Variants in LY75 observed in about 807,000 individuals in gnomAD.
The protein encoded by LY75 is lymphocyte antigen 75, also known as C-type lectin domain family 13 member B.
A neutral mutation model predicts 231.7 loss-of-function variants in LY75; 185 were observed. The observed-to-expected ratio is 0.80, with a 90% CI of 0.71 to 0.90. The LOEUF (loss-of-function observed/expected upper bound fraction) is 0.90. Ranked by LOEUF, LY75 falls within the 40% of genes least tolerant of loss-of-function variation. The probability of loss-of-function intolerance (pLI) is 0.00; values close to 1 mark genes in which losing one functional copy is unlikely to be tolerated. For synonymous variants in LY75, 668 were observed against 689.0 expected, an observed-to-expected ratio of 0.97 and a Z score of 0.48; for missense variants, 1,947 against 2,050.2, an observed-to-expected ratio of 0.95 and a Z score of 0.97.
intron 28 of LY75, 120 bp downstream of exon 28, chr2:159,831,550 A>G: frequency 9.3e-7 from 1 of 1,069,746 alleles, no homozygotes; most frequent in Non-Finnish European, 1.4e-6. Flanking sequence ...AAGTTATGCT[A>G]AGTACATAAT....
At position 159,890,212 on chromosome 2, in the gene LY75, C is replaced by T. The variant is rs767779201; in HGVS notation, c.802+1G>A. 6 of 1,609,148 alleles carry T rather than the reference C, an allele frequency of 3.7e-6. No homozygotes were observed. Among genetic ancestry groups the T allele is most frequent in the Admixed American group, 1.7e-5 (1 of 59,080 alleles). On this transcript the variant is annotated splice_donor_variant, in intron 4 of 34. Coordinates refer to ENST00000263636, the MANE Select transcript of LY75 (RefSeq NM_002349.4). LOFTEE classifies it high-confidence loss of function. The stretch of plus-strand genomic sequence containing the variant: ...CTCTATCACATGCAAATAAAATCTA[C>T]CTTTAAGGTAAGTTAATTCAGCAGC...
At chr2:159,819,359 C>T (rs1488650085) in intron 29 of LY75, among the ~76,000 whole-genome samples, 6 of 152,160 alleles carry the variant, frequency 3.9e-5, no homozygotes, top group African/African-American at 1.4e-4. Flanking sequence ...AAACCCTATC[C>T]ATTTTTCAAA....
chr2:159,845,292 T>G (rs1560077912), intron 23 of LY75, among the ~76,000 whole-genome samples: 1 of 152,116 alleles, frequency 6.6e-6, no homozygotes, highest in Non-Finnish European at 1.5e-5. Context: ...ATTCTAAAGT[T>G]TTCCTGGAAA....
intron 25 of LY75, among the ~76,000 whole-genome samples, chr2:159,838,574 G>A (rs1291053782): frequency 6.6e-6 from 1 of 152,072 alleles, no homozygotes. Flanking sequence ...TTTCTACATT[G>A]CAATACTGTT....
At chr2:159,885,980 T>G (rs1560101419) in intron 5 of LY75, among the ~76,000 whole-genome samples, 1 of 152,184 alleles carries the variant, frequency 6.6e-6, no homozygotes, top group Non-Finnish European at 1.5e-5. Flanking sequence ...ATTTGTATTA[T>G]AAAATACAAC....
intron 1 of LY75, 115 bp downstream of exon 1, chr2:159,904,474 C>T: frequency 1.7e-6 from 2 of 1,199,128 alleles, no homozygotes; most frequent in Non-Finnish European, 2.2e-6. Flanking sequence ...CCCGCCCCAA[C>T]AGCAAAGCAG....
At chr2:159,864,292 C>T (rs558348259) in intron 14 of LY75, among the ~76,000 whole-genome samples, 1 of 152,078 alleles carries the variant, frequency 6.6e-6, no homozygotes, top group South Asian at 2.1e-4. Flanking sequence ...TTTTTGAGTT[C>T]GTATCCAAAA....
At chr2:159,869,877 T>C (rs1684958864) in intron 13 of LY75, among the ~76,000 whole-genome samples, 1 of 148,892 alleles carries the variant, frequency 6.7e-6, no homozygotes. Flanking sequence ...GCATTTGTTA[T>C]AATCTATTCT....
At chr2:159,849,325 C>T (rs1042318423) in intron 23 of LY75, among the ~76,000 whole-genome samples, 10 of 152,080 alleles carry the variant, frequency 6.6e-5, no homozygotes, top group African/African-American at 1.4e-4. Context: ...AAGCAGTGGG[C>T]GGTAATACTG....
At chr2:159,881,755 C>T (rs1685442246) in intron 7 of LY75, among the ~76,000 whole-genome samples, 1 of 152,142 alleles carries the variant, frequency 6.6e-6, no homozygotes, top group Non-Finnish European at 1.5e-5. Context: ...AAGTAATTAT[C>T]ACTTAAGTTT....
intron 25 of LY75, among the ~76,000 whole-genome samples, chr2:159,840,146 C>T (rs1480151691): frequency 6.6e-6 from 1 of 152,022 alleles, no homozygotes; most frequent in East Asian, 1.9e-4. Context: ...GCTCCAGATT[C>T]TAGCTCGTCT....
intron 2 of LY75, among the ~76,000 whole-genome samples, chr2:159,898,404 A>C (rs1270794455): frequency 7.8e-6 from 1 of 128,370 alleles, no homozygotes; most frequent in Non-Finnish European, 1.7e-5. Context: ...GAAGACCATC[A>C]TAAGAAGTAC....
chr2:159,815,599 C>G lies in LY75; in HGVS notation c.4381-26G>C, dbSNP rs146056524. 8 of 1,595,284 alleles carry G rather than the reference C, an allele frequency of 5.0e-6. No individual in the cohort carries two copies. The African/African-American group carries it at 1.1e-4, about 22-fold the overall frequency. On this transcript the variant is annotated intron_variant, in intron 30 of 34. Transcript: ENST00000263636. ...CTGTTGTAAGAACAATAGAGATAAC[C>G]TGAATCCAGATGTTTGACTTCAAAA...
At chr2:159,854,780 G>T in intron 17 of LY75, 124 bp downstream of exon 17, 1 of 1,412,496 alleles carries the variant, frequency 7.1e-7, no homozygotes, top group Non-Finnish European at 9.6e-7. Flanking sequence ...CACCTTCCTT[G>T]CCTGGAGAAA....
intron 6 of LY75, among the ~76,000 whole-genome samples, chr2:159,884,802 G>A (rs1381354292): frequency 6.6e-6 from 1 of 152,168 alleles, no homozygotes; most frequent in African/African-American, 2.4e-5. Flanking sequence ...ATTTCTAACA[G>A]GAAGAGGTGA....
At chr2:159,878,270 T>C in intron 11 of LY75, 54 bp downstream of exon 11, 1 of 1,565,110 alleles carries the variant, frequency 6.4e-7, no homozygotes. Context: ...TTGGGAGGAG[T>C]GCTGCCTTTC....
At chr2:159,883,104 C>T (rs1006779437) in intron 6 of LY75, among the ~76,000 whole-genome samples, 1 of 131,238 alleles carries the variant, frequency 7.6e-6, no homozygotes, top group African/African-American at 2.9e-5. Context: ...TAAGAAAACA[C>T]AGCATCTCTG....
At chr2:159,891,013 C>A (rs1685738293) in intron 3 of LY75, among the ~76,000 whole-genome samples, 1 of 151,966 alleles carries the variant, frequency 6.6e-6, no homozygotes, top group Non-Finnish European at 1.5e-5. Context: ...GACAAAGAAA[C>A]TGCAAGCTGT....
At chr2:159,898,628 T>G in intron 2 of LY75, 60 bp downstream of exon 2, 2 of 1,558,634 alleles carry the variant, frequency 1.3e-6, no homozygotes, top group Admixed American at 1.8e-5. Flanking sequence ...TTGTGCATGT[T>G]TAATGCCACA....
Sources: gnomAD v4.1 joint callset for allele counts (sites outside exome capture counted in the v4.1 genomes callset) on GRCh38, gnomAD v4.1.1 for gene constraint, MANE v1.5 for transcripts, NCBI Gene and HGNC (gene_info 2026-07-23, HGNC 2026-07-21) for gene names.